The following AMZ1 variants were observed in gnomAD, a reference collection of about 807,000 sequenced individuals.
AMZ1 encodes the protein archaelysin family metallopeptidase 1.
A neutral mutation model predicts 29.9 loss-of-function variants in AMZ1; 39 were observed. That is an observed-to-expected ratio of 1.30 (90% CI 1.01 to 1.70). The LOEUF (loss-of-function observed/expected upper bound fraction) is 1.70. Ranked by LOEUF, AMZ1 falls within the 40% of genes most tolerant of loss-of-function variation. AMZ1 has a pLI of 0.00. For synonymous variants in AMZ1, 458 were observed against 304.0 expected (o/e 1.51, Z -5.27); for missense variants, 1,041 against 680.6 (o/e 1.53, Z -5.89).
downstream of AMZ1, among the ~76,000 whole-genome samples, chr7:2,720,593 C>T (rs112660102): frequency 2.6e-5 from 4 of 151,806 alleles, no homozygotes; most frequent in Non-Finnish European, 4.4e-5. Flanking sequence ...TTAGTAGAGA[C>T]GGGGTTTTAC....
chr7:2,710,236 C>T (rs1353822370), intron 6 of AMZ1, among the ~76,000 whole-genome samples: 1 of 152,228 alleles, frequency 6.6e-6, no homozygotes, highest in Admixed American at 6.5e-5. Context: ...GCTGACACAA[C>T]AAGGCTTGTT....
chr7:2,736,239 C>G (rs376667765), intron 4 of AMZ1, among the ~76,000 whole-genome samples: 4 of 152,290 alleles, frequency 2.6e-5, no homozygotes, highest in African/African-American at 7.2e-5. Context: ...CCTGCCAAGA[C>G]GAGCCCAGAG....
chr7:2,731,885 A>G lies in AMZ1; in HGVS notation n.550+22069A>G. 3.8e-6 allele frequency: 2 copies of G among 525,648 alleles called. No homozygotes were observed. Among genetic ancestry groups the G allele is most frequent in the Middle Eastern group, 4.1e-4 (1 of 2,442 alleles). The allele number at this position is 525,648 out of a possible 1,614,324, so 32.6% of individuals were successfully genotyped here. ...CAGGTTGAACCAGAAACCAAAAGCA[A>G]ATTTCATTTATAACATTATCAACTG... On this transcript the variant is annotated intron_variant and non_coding_transcript_variant, in intron 4 of 4. Coordinates refer to the AMZ1 transcript ENST00000489665. This position sits in a 1 kb window ranked among gnomAD's most constrained non-coding sequence, Gnocchi z 6.0.
rs1012585264 is a variant in AMZ1, at chr7:2,719,504, C to T, written c.*6626C>T. Among the ~76,000 whole-genome samples the T allele has an allele frequency of 2.6e-5, 4 of 152,134 alleles. No individual in the cohort carries two copies. Among genetic ancestry groups the T allele is most frequent in the South Asian group, 2.1e-4 (1 of 4,832 alleles). On this transcript the variant is annotated 3_prime_UTR_variant, in exon 7 of 7. Transcript: ENST00000683327. ...AATTACATGAGCTTTGATCACCGCTCGATTGTATGGCACAGTTATTTTTAA... is the reference window on the plus strand; with the variant it reads ...AATTACATGAGCTTTGATCACCGCTTGATTGTATGGCACAGTTATTTTTAA...
At chr7:2,681,553 G>T (rs111875115) in intron 1 of AMZ1, among the ~76,000 whole-genome samples, 7,255 of 152,210 alleles carry the variant, frequency 0.048, 605 homozygotes, top group African/African-American at 0.17. Flanking sequence ...GAGCCACGGT[G>T]CCCAGCCAAG....
At chr7:2,723,004 TAAAAC>T (rs200324866), downstream of AMZ1, among the ~76,000 whole-genome samples, 1,532 of 151,172 alleles carry the variant, frequency 0.01, 32 homozygotes, top group Admixed American at 0.043. Context: ...TAAAATAAAA[TAAAAC>T]AAAATAAAAA....
upstream of AMZ1, among the ~76,000 whole-genome samples, chr7:2,760,799 C>T (rs1791517848): frequency 6.6e-6 from 1 of 152,242 alleles, no homozygotes; most frequent in African/African-American, 2.4e-5. Flanking sequence ...ACCGTCCCAG[C>T]TGCGTGGCTT....
chr7:2,757,000 G>C (rs1791329272), intron 4 of AMZ1, among the ~76,000 whole-genome samples: 1 of 152,144 alleles, frequency 6.6e-6, no homozygotes, highest in Admixed American at 6.5e-5. Flanking sequence ...CTTGAGCTGG[G>C]GAGTTCGAGG....
downstream of AMZ1, among the ~76,000 whole-genome samples, chr7:2,720,611 G>C (rs1789378035): frequency 6.6e-6 from 1 of 151,930 alleles, no homozygotes; most frequent in East Asian, 1.9e-4. Context: ...TACCGTGCTG[G>C]CCAGGCTGGT....
intron 1 of AMZ1, among the ~76,000 whole-genome samples, chr7:2,689,374 G>T (rs994884514): frequency 3.0e-4 from 46 of 152,246 alleles, no homozygotes; most frequent in East Asian, 1.4e-3. Flanking sequence ...CCTCCCTGGG[G>T]GGGGGATGCG....
rs116433843 is a variant in AMZ1 at position 2,697,944 on chromosome 7, T to C, written c.-218-2290T>C. Among the ~76,000 whole-genome samples the C allele has an allele frequency of 8.8e-3, 1,337 of 152,286 alleles. 28 individuals are homozygous for C. Among genetic ancestry groups the C allele is most frequent in the African/African-American group, 0.031 (1,278 of 41,546 alleles). ...AGTACGTTCCTCTGGAAAAAAAATA[T>C]ATTTGTGTATATTTGTGTGCACACA... On this transcript the variant is annotated intron_variant, in intron 1 of 6. Transcript: ENST00000683327.
chr7:2,746,576 A>G (rs1042144499), intron 4 of AMZ1, among the ~76,000 whole-genome samples: 1 of 152,224 alleles, frequency 6.6e-6, no homozygotes, highest in African/African-American at 2.4e-5. Flanking sequence ...GGAAAAATCT[A>G]AAATTGACAC....
chr7:2,685,729 T>A (rs1787053687), upstream of AMZ1, among the ~76,000 whole-genome samples: 3 of 151,530 alleles, frequency 2.0e-5, no homozygotes, highest in African/African-American at 7.3e-5. Context: ...GGCAGGCGCC[T>A]GTAGTCCCAG....
chr7:2,722,655 G>C (rs1279372508), downstream of AMZ1, among the ~76,000 whole-genome samples: 2 of 152,158 alleles, frequency 1.3e-5, no homozygotes, highest in Admixed American at 6.5e-5. Flanking sequence ...ATGCAACAGA[G>C]ATTTTAAATT....
chr7:2,698,544 CAAA>C (rs1179416406), intron 1 of AMZ1, among the ~76,000 whole-genome samples: 1 of 151,342 alleles, frequency 6.6e-6, no homozygotes, highest in African/African-American at 2.4e-5. Context: ...TCTAAAAAAA[CAAA>C]AAGAAGTTGG....
chr7:2,757,665 T>C (rs1257462499), intron 4 of AMZ1, among the ~76,000 whole-genome samples: 1 of 152,174 alleles, frequency 6.6e-6, no homozygotes, highest in Non-Finnish European at 1.5e-5. Context: ...CCGTTTTAAG[T>C]TGCTAATTGG....
rs78922714 is a variant in AMZ1 at position 2,709,674 on chromosome 7, T to G, written c.806T>G (p.Leu269Arg). 6.2e-7 allele frequency: 1 copy of G among 1,610,556 alleles called. No individual in the cohort carries two copies. Among genetic ancestry groups the G allele is most frequent in the Non-Finnish European group, 8.5e-7 (1 of 1,179,618 alleles). The change falls in exon 6 of 7, where the codon CTG becomes CGG. Residue 269 changes from leucine to arginine, a missense_variant. By Grantham distance (102) the Leu-to-Arg change is moderately radical. Transcript: ENST00000683327. ...TCHELCHLLG[L>R]GNCRWLRCLM... Reference sequence around the variant, plus strand: ...CACGAGCTCTGCCACCTTCTGGGCCTGGGGAACTGCCGCTGGCTCCGCTGC... The same window carrying G: ...CACGAGCTCTGCCACCTTCTGGGCCGGGGGAACTGCCGCTGGCTCCGCTGC...
intron 1 of AMZ1, among the ~76,000 whole-genome samples, chr7:2,696,258 T>A (rs562714582): frequency 6.7e-3 from 197 of 29,590 alleles, no homozygotes; most frequent in African/African-American, 0.022. Context: ...TTGATAGTCA[T>A]TTTTTTTTTT....
chr7:2,729,006 T>G (rs1287671331), intron 4 of AMZ1: 1 of 152,390 alleles, frequency 6.6e-6, no homozygotes, highest in Admixed American at 6.5e-5. Flanking sequence ...TGCTTCTGGT[T>G]TGAAAGTGAC....
Sources: gnomAD v4.1 joint callset for allele counts (sites outside exome capture counted in the v4.1 genomes callset) on GRCh38, gnomAD v4.1.1 for gene constraint, Gnocchi (gnomAD v3.1) non-coding constraint, MANE v1.5 for transcripts, NCBI Gene and HGNC (gene_info 2026-07-23, HGNC 2026-07-21) for gene names.